The following IL1R1 variants were observed in gnomAD, a reference collection of about 807,000 sequenced individuals.
The protein encoded by IL1R1 is interleukin 1 receptor type 1, also known as interleukin-1 receptor type 1.
A neutral mutation model predicts 50.2 loss-of-function variants in IL1R1; 22 were observed. The observed-to-expected ratio is 0.44, with a 90% confidence interval of 0.31 to 0.63. The LOEUF (loss-of-function observed/expected upper bound fraction) is 0.63. Among genes scored for constraint, IL1R1 ranks in the 20% least tolerant of loss-of-function variants. IL1R1 has a pLI of 0.07. For missense variants in IL1R1, 509 were observed against 676.2 expected (o/e 0.75, Z 2.74); for synonymous variants, 251 against 236.7 (o/e 1.06, Z -0.55).
At chr2:102,139,015 T>G (rs1282476692), upstream of IL1R1, among the ~76,000 whole-genome samples, 1 of 152,208 alleles carries the variant, frequency 6.6e-6, no homozygotes, top group Non-Finnish European at 1.5e-5. Context: ...TAACACAATC[T>G]CTTCAGAATT....
At chr2:102,154,677 CCT>C (rs1289574150) in intron 2 of IL1R1, among the ~76,000 whole-genome samples, 1 of 152,224 alleles carries the variant, frequency 6.6e-6, no homozygotes, top group Non-Finnish European at 1.5e-5. Flanking sequence ...CCCTGGCTCC[CCT>C]GTCTCCAGTT....
chr2:102,165,333 CT>C (rs756056134), intron 5 of IL1R1, 29 bp downstream of exon 5: 1 of 1,282,376 alleles, frequency 7.8e-7, no homozygotes, highest in African/African-American at 1.5e-5. Context: ...TGACATTTCA[CT>C]TTTCCAGAAA....
intron 3 of IL1R1, among the ~76,000 whole-genome samples, chr2:102,163,286 G>A (rs1339434955): frequency 6.6e-6 from 1 of 152,078 alleles, no homozygotes; most frequent in African/African-American, 2.4e-5. Context: ...CATCATTTTT[G>A]TCACATCTTG....
At chr2:102,089,597 A>G (rs1477417243) in intron 1 of IL1R1, among the ~76,000 whole-genome samples, 1 of 152,186 alleles carries the variant, frequency 6.6e-6, no homozygotes, top group African/African-American at 2.4e-5. Flanking sequence ...TTCAATTTGT[A>G]AAACAAAACA....
intron 9 of IL1R1, 61 bp from the exon 10 acceptor site, chr2:102,174,526 C>G: frequency 7.5e-7 from 1 of 1,330,518 alleles, no homozygotes; most frequent in Non-Finnish European, 1.0e-6. Context: ...TTGCTGTGCT[C>G]AAAGTTTTAA....
At chr2:102,154,494 C>T (rs3917231) in intron 2 of IL1R1, among the ~76,000 whole-genome samples, 3 of 152,300 alleles carry the variant, frequency 2.0e-5, no homozygotes, top group African/African-American at 7.2e-5. Flanking sequence ...AACCTGCCCC[C>T]CAACCTGGCC....
At chr2:102,155,607 C>T (rs557829918) in intron 2 of IL1R1, among the ~76,000 whole-genome samples, 2 of 152,288 alleles carry the variant, frequency 1.3e-5, no homozygotes, top group Admixed American at 6.5e-5. Context: ...CAATTCCTTG[C>T]CCCAGGGTCC....
intron 1 of IL1R1, among the ~76,000 whole-genome samples, chr2:102,129,604 A>T (rs2104412778): frequency 6.6e-6 from 1 of 152,300 alleles, no homozygotes; most frequent in Non-Finnish European, 1.5e-5. Context: ...CTTATGGTGA[A>T]CCTGACAGGG....
rs73943999 is a variant in IL1R1, at chr2:102,160,947, G to A, written c.61+3162G>A. On this transcript the variant is annotated intron_variant, in intron 3 of 11. Transcript: ENST00000410023. Reference sequence around the variant, plus strand: ...TCTGTTTTGTCACTCAGTCACCTTCGTAAATGAAGACCCAGGCATAGAATC... The same window carrying A: ...TCTGTTTTGTCACTCAGTCACCTTCATAAATGAAGACCCAGGCATAGAATC... Among the ~76,000 whole-genome samples the A allele has an allele frequency of 5.7e-3, 866 of 152,200 alleles. 13 individuals are homozygous for A. Among genetic ancestry groups the A allele is most frequent in the African/African-American group, 0.02 (838 of 41,512 alleles).
In IL1R1 at chr2:102,176,631, A is replaced by T; in HGVS notation, c.1582A>T (p.Thr528Ser). 6.2e-7 allele frequency: 1 copy of T among 1,614,202 alleles called. No individual in the cohort carries two copies. The highest frequency in any genetic ancestry group is 8.5e-7 in the Non-Finnish European group (1 of 1,180,028). Reference sequence around the variant, plus strand: ...TACACAGGGACCACAGTCTGCAAAGACAAGGTTCTGGAAGAATGTCAGGTA... The same window carrying T: ...TACACAGGGACCACAGTCTGCAAAGTCAAGGTTCTGGAAGAATGTCAGGTA... ...DFTQGPQSAK[T>S]RFWKNVRYHM... is the part of the protein sequence containing the mutation. The change falls in exon 12 of 12, where the codon ACA (threonine) becomes TCA (serine). Residue 528 changes from threonine (T) to serine (S), a missense_variant. Coordinates refer to ENST00000410023, the MANE Select transcript of IL1R1 (RefSeq NM_000877.4).
chr2:102,105,511 C>T (rs1680355385), intron 1 of IL1R1, among the ~76,000 whole-genome samples: 1 of 151,392 alleles, frequency 6.6e-6, no homozygotes, highest in Admixed American at 6.6e-5. Flanking sequence ...ACTATAGGCG[C>T]CTGCCACCAT....
intron 11 of IL1R1, 25 bp from the exon 12 acceptor site, chr2:102,176,328 C>T (rs1686132717): frequency 6.2e-7 from 1 of 1,600,544 alleles, no homozygotes; most frequent in Non-Finnish European, 8.5e-7. Flanking sequence ...ATTTTACTTA[C>T]TATATTGTGC....
Position 102,164,757 on chromosome 2 carries a change from C to T in IL1R1, c.62-17C>T. The T allele has an allele frequency of 6.4e-7, 1 of 1,570,218 alleles. No individual in the cohort carries two copies. The highest frequency in any genetic ancestry group is 8.8e-7 in the Non-Finnish European group (1 of 1,142,534). On this transcript the variant is annotated splice_polypyrimidine_tract_variant and intron_variant, in intron 3 of 11. Transcript: ENST00000410023. ...AGATTTTTATGTAAATTGCTTCCAC[C>T]CTTCTTCCTTTTAAAGATAAATGCA...
At chr2:102,105,514 G>A (rs1680355868) in intron 1 of IL1R1, among the ~76,000 whole-genome samples, 1 of 151,378 alleles carries the variant, frequency 6.6e-6, no homozygotes, top group Non-Finnish European at 1.5e-5. Context: ...ATAGGCGCCT[G>A]CCACCATGCC....
intron 1 of IL1R1, among the ~76,000 whole-genome samples, chr2:102,134,092 G>C (rs1026174261): frequency 2.0e-5 from 3 of 152,170 alleles, no homozygotes; most frequent in East Asian, 3.9e-4. Flanking sequence ...CTAGCAATGA[G>C]CATTCAGGAA....
intron 6 of IL1R1, among the ~76,000 whole-genome samples, chr2:102,168,318 G>A (rs964172871): frequency 1.3e-5 from 2 of 152,172 alleles, no homozygotes; most frequent in Non-Finnish European, 2.9e-5. Flanking sequence ...AGAGGCATTT[G>A]TCTGGGGACC....
chr2:102,160,467 A>G lies in IL1R1; in HGVS notation c.61+2682A>G, dbSNP rs1290275855. On this transcript the variant is annotated intron_variant, in intron 3 of 11. Coordinates refer to ENST00000410023, the MANE Select transcript of IL1R1 (RefSeq NM_000877.4). Reference sequence around the variant, plus strand: ...ATTTTCTGTATCTTACCATATTTTGACATTCTGGAAGATGTTTCATATCTA... The same window carrying G: ...ATTTTCTGTATCTTACCATATTTTGGCATTCTGGAAGATGTTTCATATCTA... Among the ~76,000 whole-genome samples, 4 of 152,064 alleles carry G rather than the reference A, an allele frequency of 2.6e-5. No homozygotes were observed. The South Asian group carries it at 8.3e-4, about 32-fold the overall frequency.
At chr2:102,093,850 C>G (rs569024086) in intron 1 of IL1R1, among the ~76,000 whole-genome samples, 1 of 148,546 alleles carries the variant, frequency 6.7e-6, no homozygotes, top group Non-Finnish European at 1.5e-5. Flanking sequence ...CGAGGAGACA[C>G]GCGCGGGGCA....
rs201592429 is a variant in IL1R1, at chr2:102,129,305, CAAG to C, written c.-84+24436_-84+24438del. Among the ~76,000 whole-genome samples, 85 of 151,858 alleles carry C rather than the reference CAAG, an allele frequency of 5.6e-4. No homozygotes were observed. The East Asian group carries it at 0.012, about 22-fold the overall frequency. On this transcript the variant is annotated intron_variant, in intron 1 of 10. Transcript: ENST00000409329. The stretch of plus-strand genomic sequence containing the variant: ...AACAACAACAACAACAAAACCAAAA[CAAG>C]AACTCCTTCCCAAAGAAAAGTAGTA...
Sources: allele counts gnomAD v4.1 joint callset (sites outside exome capture counted in the v4.1 genomes callset), GRCh38; gene constraint gnomAD v4.1.1; transcripts MANE v1.5; gene names NCBI Gene and HGNC (gene_info 2026-07-23, HGNC 2026-07-21).